Variants in TENM4 observed in about 807,000 individuals in gnomAD.
TENM4 encodes the protein teneurin-4.
A neutral mutation model predicts 243.3 loss-of-function variants in TENM4; 82 were observed. The ratio of observed to expected loss-of-function variants is 0.34; its 90% confidence interval spans 0.28 to 0.40. The LOEUF is 0.40. Ranked by LOEUF, TENM4 falls within the 10% of genes least tolerant of loss-of-function variation. The pLI is 1.00. For synonymous variants in TENM4, 1,412 were observed against 1,456.3 expected (o/e 0.97, Z 0.69); for missense variants, 3,138 against 3,673.3 (o/e 0.85, Z 3.77).
intron 4 of TENM4, among the ~76,000 whole-genome samples, chr11:79,079,783 C>CA (rs1269298532): frequency 6.9e-6 from 1 of 144,736 alleles, no homozygotes; most frequent in Non-Finnish European, 1.5e-5. Flanking sequence ...AGTGAGCTGA[C>CA]ATCGAGCCGC....
At chr11:78,763,330 AGCCAT>A (rs1248272513) in intron 18 of TENM4, among the ~76,000 whole-genome samples, 1 of 152,228 alleles carries the variant, frequency 6.6e-6, no homozygotes, top group East Asian at 1.9e-4. Context: ...CTAGGGATGC[AGCCAT>A]GCTGCACTCG....
intron 6 of TENM4, among the ~76,000 whole-genome samples, chr11:78,950,381 G>T (rs1245154198): frequency 6.6e-6 from 1 of 152,166 alleles, no homozygotes; most frequent in Non-Finnish European, 1.5e-5. Context: ...AGGGTATAGT[G>T]CAGGGCGGGG....
intron 7 of TENM4, among the ~76,000 whole-genome samples, chr11:78,902,660 CATA>C (rs1855957416): frequency 6.6e-6 from 1 of 152,228 alleles, no homozygotes; most frequent in African/African-American, 2.4e-5. Context: ...ATGAGGATTA[CATA>C]ATGTCACACA....
At chr11:78,744,973 T>C (rs1457390281) in intron 19 of TENM4, among the ~76,000 whole-genome samples, 3 of 152,196 alleles carry the variant, frequency 2.0e-5, no homozygotes, top group Non-Finnish European at 4.4e-5. Flanking sequence ...GTAGAAGAAG[T>C]ATCAGCTCTG....
chr11:79,016,280 G>A (rs907899678), intron 6 of TENM4, among the ~76,000 whole-genome samples: 2 of 152,158 alleles, frequency 1.3e-5, no homozygotes, highest in Non-Finnish European at 2.9e-5. Flanking sequence ...TTAAGGTTAT[G>A]AGTAGAGAGA....
intron 32 of TENM4, among the ~76,000 whole-genome samples, chr11:78,665,468 C>T (rs752906743): frequency 1.3e-5 from 2 of 152,238 alleles, no homozygotes; most frequent in East Asian, 1.9e-4. Flanking sequence ...GACGAGATTT[C>T]GCCATGTTGG....
intron 6 of TENM4, among the ~76,000 whole-genome samples, chr11:79,028,413 A>C (rs907447006): frequency 2.0e-5 from 3 of 152,218 alleles, no homozygotes; most frequent in African/African-American, 4.8e-5. Flanking sequence ...GAGGGAGAAA[A>C]GCAGAACTGG....
At chr11:78,838,534 AT>A (rs1858174373) in intron 12 of TENM4, among the ~76,000 whole-genome samples, 2 of 152,124 alleles carry the variant, frequency 1.3e-5, no homozygotes, top group Non-Finnish European at 2.9e-5. Flanking sequence ...ACTTTTAAAT[AT>A]TTACCTCTTT....
At chr11:79,233,864 G>T (rs1345367439) in intron 2 of TENM4, among the ~76,000 whole-genome samples, 1 of 152,170 alleles carries the variant, frequency 6.6e-6, no homozygotes, top group Admixed American at 6.5e-5. Flanking sequence ...TCCTTCCAAT[G>T]AGCGAAAAGG....
chr11:79,429,420 G>C (rs971026967), intron 1 of TENM4, among the ~76,000 whole-genome samples: 5 of 152,176 alleles, frequency 3.3e-5, no homozygotes, highest in Admixed American at 1.3e-4. Flanking sequence ...GCAGCTGAGA[G>C]GTGGGGAGAT....
At chr11:79,012,055 G>A (rs1858657789) in intron 6 of TENM4, among the ~76,000 whole-genome samples, 3 of 152,194 alleles carry the variant, frequency 2.0e-5, no homozygotes, top group South Asian at 2.1e-4. Flanking sequence ...TGCAATCCAC[G>A]TTGCCAGCCC....
intron 6 of TENM4, among the ~76,000 whole-genome samples, chr11:78,937,742 T>C (rs1350630593): frequency 2.6e-5 from 4 of 152,166 alleles, no homozygotes; most frequent in Non-Finnish European, 5.9e-5. Flanking sequence ...AGAGAGATGA[T>C]AGTCATATTC....
At chr11:79,211,445 C>T (rs906127565) in intron 3 of TENM4, among the ~76,000 whole-genome samples, 16 of 152,306 alleles carry the variant, frequency 1.1e-4, no homozygotes, top group Middle Eastern at 3.4e-3. Context: ...GTCCCTAAAA[C>T]CTTTCAGGAA....
chr11:79,139,080 T>A (rs1218335627), intron 4 of TENM4, among the ~76,000 whole-genome samples: 18 of 21,950 alleles, frequency 8.2e-4, no homozygotes, highest in South Asian at 4.7e-3. Flanking sequence ...TAAATATATA[T>A]TATATTTCTA....
At chr11:79,358,360 G>A (rs986470698) in intron 1 of TENM4, among the ~76,000 whole-genome samples, 3 of 152,122 alleles carry the variant, frequency 2.0e-5, no homozygotes, top group African/African-American at 4.8e-5. Flanking sequence ...ATTATCAGGC[G>A]GCTTATGAGG....
At chr11:79,412,248 A>T (rs950056833) in intron 1 of TENM4, among the ~76,000 whole-genome samples, 1 of 152,252 alleles carries the variant, frequency 6.6e-6, no homozygotes, top group Admixed American at 6.5e-5. Flanking sequence ...ACGTAAGGAT[A>T]ACCAACAGGC....
rs760657360 is a variant in TENM4, at chr11:78,702,243, A to C, written c.4370T>G (p.Leu1457Arg). 146 of 1,614,062 alleles carry C rather than the reference A, an allele frequency of 9.0e-5. 1 individual carries two copies. In the South Asian group the frequency reaches 1.6e-3, roughly 17 times the overall value. Residue 1457 changes from leucine to arginine, a missense_variant, in exon 28 of 34, where the codon CTG becomes CGG. Transcript: ENST00000278550. Reference sequence around the variant, plus strand: ...TGCGTGGATGGCCACCTTGCTTAGCAGGAAGTGGTCAATGCCAGGGACCTG... The same window carrying C: ...TGCGTGGATGGCCACCTTGCTTAGCCGGAAGTGGTCAATGCCAGGGACCTG... ...HCQVPGIDHF[L>R]LSKVAIHATL...
At chr11:79,400,901 T>G (rs1425049877) in intron 1 of TENM4, among the ~76,000 whole-genome samples, 2 of 152,222 alleles carry the variant, frequency 1.3e-5, no homozygotes, top group African/African-American at 4.8e-5. Flanking sequence ...TAGCCCTGCA[T>G]GCCATGACCT....
intron 6 of TENM4, among the ~76,000 whole-genome samples, chr11:79,040,979 A>G (rs1859508302): frequency 6.6e-6 from 1 of 152,160 alleles, no homozygotes; most frequent in African/African-American, 2.4e-5. Context: ...AGGGTTAAGA[A>G]ATGAAAATAC....
Sources: allele counts gnomAD v4.1 joint callset (sites outside exome capture counted in the v4.1 genomes callset), GRCh38; gene constraint gnomAD v4.1.1; transcripts MANE v1.5; gene names NCBI Gene and HGNC (gene_info 2026-07-23, HGNC 2026-07-21).